TMEM232: variants seen among roughly 807,000 people sequenced by gnomAD.
TMEM232 encodes the protein transmembrane protein 232.
TMEM232 carries 80 observed loss-of-function variants against 78.8 expected under a neutral mutation model. That is an observed-to-expected ratio of 1.01 (90% CI 0.85 to 1.22). The LOEUF is 1.22. Ranked by LOEUF, TMEM232 falls within the 50% of genes most tolerant of loss-of-function variation. The pLI is 0.00. For missense variants in TMEM232, 881 were observed against 742.2 expected (o/e 1.19, Z -2.17); for synonymous variants, 297 against 254.3 (o/e 1.17, Z -1.60).
At chr5:110,650,915 GA>G (rs1419567875) in intron 2 of TMEM232, among the ~76,000 whole-genome samples, 21 of 152,184 alleles carry the variant, frequency 1.4e-4, no homozygotes. Flanking sequence ...AGGGTATAGG[GA>G]AACTCTCTGT....
chr5:110,475,700 C>G (rs1763174293), intron 12 of TMEM232, among the ~76,000 whole-genome samples: 1 of 151,746 alleles, frequency 6.6e-6, no homozygotes, highest in African/African-American at 2.4e-5. Flanking sequence ...GTAGAGAGTT[C>G]AGGTGAAAGC....
chr5:110,603,001 T>C (rs1781130670), intron 10 of TMEM232, among the ~76,000 whole-genome samples: 1 of 152,112 alleles, frequency 6.6e-6, no homozygotes, highest in African/African-American at 2.4e-5. Context: ...GGGACATGGA[T>C]GAAGCTGGAA....
intron 11 of TMEM232, among the ~76,000 whole-genome samples, chr5:110,541,581 A>G (rs935488366): frequency 2.6e-5 from 4 of 152,146 alleles, no homozygotes; most frequent in African/African-American, 9.7e-5. Context: ...AATACTATTT[A>G]CATTCAGCAT....
intron 12 of TMEM232, among the ~76,000 whole-genome samples, chr5:110,495,459 C>T (rs1380802373): frequency 2.0e-5 from 3 of 151,880 alleles, no homozygotes; most frequent in Non-Finnish European, 2.9e-5. Flanking sequence ...AATAATGTTT[C>T]AGAGACGATC....
rs559119870 is a variant in TMEM232 at position 110,648,639 on chromosome 5, A to T, written c.126-6268T>A. Among the ~76,000 whole-genome samples the T allele has an allele frequency of 2.6e-5, 4 of 152,180 alleles. No homozygotes were observed. In the East Asian group the frequency reaches 5.8e-4, roughly 22 times the overall value. On this transcript the variant is annotated intron_variant, in intron 2 of 13. Transcript: ENST00000455884. ...TCCCCTAAAAAAATAGCAAAAGTGG[A>T]TGTCAGCTGTGTTACTGGGACCACC...
At chr5:110,738,724 G>C (rs935394312), upstream of TMEM232, 10 of 255,272 alleles carry the variant, frequency 3.9e-5, no homozygotes, top group South Asian at 3.8e-4. Flanking sequence ...GATCTCACCG[G>C]GTAGGCTCCA....
intron 11 of TMEM232, among the ~76,000 whole-genome samples, chr5:110,547,985 T>A: frequency 8.4e-6 from 1 of 119,734 alleles, no homozygotes; most frequent in Non-Finnish European, 1.6e-5. Flanking sequence ...GTGACACAGC[T>A]AGACTCCATC....
At chr5:110,393,167 T>C (rs1755266355) in intron 3 of TMEM232, among the ~76,000 whole-genome samples, 1 of 152,208 alleles carries the variant, frequency 6.6e-6, no homozygotes, top group Admixed American at 6.5e-5. Context: ...GAAATGTCAA[T>C]TAGGTGAAGT....
chr5:110,662,177 C>G (rs952357730), intron 2 of TMEM232, among the ~76,000 whole-genome samples: 1 of 151,960 alleles, frequency 6.6e-6, no homozygotes, highest in African/African-American at 2.4e-5. Context: ...CTTCTCTTTT[C>G]TGGTAAAAGT....
Position 110,456,599 on chromosome 5 carries a change from A to T in TMEM232, c.1704-31683T>A, listed in dbSNP as rs970121584. On this transcript the variant is annotated intron_variant, in intron 12 of 13. Coordinates refer to ENST00000455884, the MANE Select transcript of TMEM232 (RefSeq NM_001039763.4). ...TAGAATAACAAAAGCAATCTTAAAAAATAAAAATACTATCTGGTTTCAAGC... is the reference window on the plus strand; with the variant it reads ...TAGAATAACAAAAGCAATCTTAAAATATAAAAATACTATCTGGTTTCAAGC... Among the ~76,000 whole-genome samples, 9 of 152,162 alleles carry T rather than the reference A, an allele frequency of 5.9e-5. No individual in the cohort carries two copies. The East Asian group carries it at 9.6e-4, about 16-fold the overall frequency.
In TMEM232 at chr5:110,587,663, G is replaced by GTATATATATA. The variant is rs377139293; in HGVS notation, c.1276+17436_1276+17445dup. Among the ~76,000 whole-genome samples, 103 of 96,230 alleles carry GTATATATATA rather than the reference G, an allele frequency of 1.1e-3. 1 individual carries two copies. The highest frequency in any genetic ancestry group is 3.9e-3 in the African/African-American group (97 of 24,678). 63.1% of individuals were successfully genotyped at this position (96,230 alleles called of 152,430 possible). On this transcript the variant is annotated intron_variant, in intron 10 of 13. Transcript: ENST00000455884. ...ATGATGGTTTCATGGGTACATGTATGTATATATATATATATATATATATAT... is the reference window on the plus strand; with the variant it reads ...ATGATGGTTTCATGGGTACATGTATGTATATATATATATATATATATATATATATATATAT...
intron 11 of TMEM232, among the ~76,000 whole-genome samples, chr5:110,567,747 C>G (rs938283438): frequency 1.3e-5 from 2 of 151,944 alleles, no homozygotes; most frequent in African/African-American, 4.8e-5. Flanking sequence ...CACCTTTACA[C>G]TTTCTCTAGT....
At chr5:110,421,747 T>A (rs1756667078) in intron 13 of TMEM232, among the ~76,000 whole-genome samples, 1 of 152,116 alleles carries the variant, frequency 6.6e-6, no homozygotes. Flanking sequence ...AACATCAGAG[T>A]CCATAGCATG....
At chr5:110,525,020 T>C (rs1314550094) in intron 12 of TMEM232, among the ~76,000 whole-genome samples, 2 of 152,064 alleles carry the variant, frequency 1.3e-5, no homozygotes, top group Non-Finnish European at 2.9e-5. Flanking sequence ...AATTTTAGCC[T>C]ACATGTCCTT....
intron 12 of TMEM232, among the ~76,000 whole-genome samples, chr5:110,439,727 A>G (rs769942879): frequency 3.9e-5 from 6 of 151,962 alleles, no homozygotes; most frequent in Non-Finnish European, 7.4e-5. Context: ...GACTTTTTGC[A>G]TTTTAATTCT....
chr5:110,733,114 C>G (rs1165169214), intron 2 of TMEM232, among the ~76,000 whole-genome samples: 1 of 152,016 alleles, frequency 6.6e-6, no homozygotes, highest in African/African-American at 2.4e-5. Flanking sequence ...AAATCAAAAG[C>G]ACAATGAGTT....
At chr5:110,696,016 A>G (rs1794737520) in intron 1 of TMEM232, among the ~76,000 whole-genome samples, 2 of 152,188 alleles carry the variant, frequency 1.3e-5, no homozygotes. Flanking sequence ...AGAATTTTAG[A>G]CCAATATTCC....
In TMEM232 at chr5:110,419,706, A is replaced by T. The variant is rs138423903; in HGVS notation, c.*874T>A. Among the ~76,000 whole-genome samples, 35 of 152,156 alleles carry T rather than the reference A, an allele frequency of 2.3e-4. No individual in the cohort carries two copies. The East Asian group carries it at 6.6e-3, about 29-fold the overall frequency. The stretch of plus-strand genomic sequence containing the variant: ...CATTTGAGTTTGACACCCCTGATAA[A>T]AGTCTCTGTCTCTTGAGTATCACCA... On this transcript the variant is annotated 3_prime_UTR_variant, in exon 14 of 14. Transcript: ENST00000455884.
chr5:110,708,275 A>T (rs1213736893), intron 1 of TMEM232, among the ~76,000 whole-genome samples: 1 of 152,192 alleles, frequency 6.6e-6, no homozygotes, highest in Non-Finnish European at 1.5e-5. Flanking sequence ...AAGAAAAAAG[A>T]CTTTCCAAGG....
Sources: gnomAD v4.1 joint callset for allele counts (sites outside exome capture counted in the v4.1 genomes callset) on GRCh38, gnomAD v4.1.1 for gene constraint, MANE v1.5 for transcripts, NCBI Gene and HGNC (gene_info 2026-07-23, HGNC 2026-07-21) for gene names.